The following ABCB5 variants were observed in gnomAD, a reference collection of about 807,000 sequenced individuals.
The protein encoded by ABCB5 is ATP binding cassette subfamily B member 5.
In ABCB5, 155 loss-of-function variants were observed where a neutral mutation model predicts 144.2. That is an observed-to-expected ratio of 1.08 (90% CI 0.94 to 1.23). ABCB5 has a LOEUF of 1.23. Ranked by LOEUF, ABCB5 falls within the 50% of genes most tolerant of loss-of-function variation. The pLI is 0.00. For synonymous variants in ABCB5, 610 were observed against 528.6 expected (o/e 1.15, Z -2.11); for missense variants, 1,830 against 1,520.8 (o/e 1.20, Z -3.38).
intron 16 of ABCB5, among the ~76,000 whole-genome samples, chr7:20,697,385 T>C (rs1786457079): frequency 6.6e-6 from 1 of 152,058 alleles, no homozygotes; most frequent in Non-Finnish European, 1.5e-5. Flanking sequence ...ATTTTAAGAG[T>C]GAATGCCATG....
At chr7:20,749,103 T>C (rs1782828426) in intron 26 of ABCB5, among the ~76,000 whole-genome samples, 1 of 151,816 alleles carries the variant, frequency 6.6e-6, no homozygotes, top group African/African-American at 2.4e-5. Flanking sequence ...GCTTTTCTTG[T>C]ATTTTCTTCC....
At chr7:20,696,763 T>G (rs1054577777) in intron 16 of ABCB5, among the ~76,000 whole-genome samples, 1 of 152,188 alleles carries the variant, frequency 6.6e-6, no homozygotes, top group African/African-American at 2.4e-5. Context: ...TAACACAGCC[T>G]ATTTTATGAT....
chr7:20,694,586 C>T (rs1038631986), intron 16 of ABCB5, among the ~76,000 whole-genome samples: 1 of 151,980 alleles, frequency 6.6e-6, no homozygotes, highest in African/African-American at 2.4e-5. Flanking sequence ...ACTGGAAGTT[C>T]TGGCCTGTTC....
intron 4 of ABCB5, among the ~76,000 whole-genome samples, chr7:20,629,391 A>T (rs766397784): frequency 6.6e-6 from 1 of 152,198 alleles, no homozygotes; most frequent in African/African-American, 2.4e-5. Flanking sequence ...ACTTTTTATC[A>T]GAAGTGGTGA....
intron 26 of ABCB5, among the ~76,000 whole-genome samples, chr7:20,747,222 G>C (rs1194575936): frequency 6.6e-6 from 1 of 152,168 alleles, no homozygotes; most frequent in Non-Finnish European, 1.5e-5. Flanking sequence ...TCGATAGTTT[G>C]TTTTATGTAT....
At chr7:20,719,135 TTATC>T (rs1279509340) in intron 20 of ABCB5, among the ~76,000 whole-genome samples, 1 of 152,124 alleles carries the variant, frequency 6.6e-6, no homozygotes, top group Admixed American at 6.5e-5. Flanking sequence ...GATTTTAACT[TTATC>T]TAAGCTTTTT....
intron 27 of ABCB5, among the ~76,000 whole-genome samples, chr7:20,753,959 G>A (rs1783008417): frequency 2.0e-5 from 3 of 152,210 alleles, no homozygotes; most frequent in Admixed American, 2.0e-4. Context: ...GGGAAACAAG[G>A]AGGCAAAGTG....
At chr7:20,681,363 G>T in intron 14 of ABCB5, 142 bp from the exon 15 acceptor site, 1 of 794,124 alleles carries the variant, frequency 1.3e-6, no homozygotes, top group African/African-American at 1.7e-5. Context: ...GTGACCTCAG[G>T]TGATCCACCC....
intron 20 of ABCB5, among the ~76,000 whole-genome samples, chr7:20,717,113 C>T (rs1781698577): frequency 6.6e-6 from 1 of 152,120 alleles, no homozygotes; most frequent in Non-Finnish European, 1.5e-5. Flanking sequence ...GGAAGGCCTC[C>T]AACAATGCCA....
chr7:20,647,917 C>G, intron 10 of ABCB5, 51 bp from the exon 11 acceptor site: 1 of 1,227,976 alleles, frequency 8.1e-7, no homozygotes, highest in Admixed American at 1.9e-5. Context: ...AATGTAGAGA[C>G]TGTCAGTTTA....
chr7:20,742,703 A>G (rs1474289892), intron 24 of ABCB5, among the ~76,000 whole-genome samples, 174 bp from the exon 25 acceptor site: 1 of 152,228 alleles, frequency 6.6e-6, no homozygotes, highest in Non-Finnish European at 1.5e-5. Flanking sequence ...AAATATAAAC[A>G]AAAGTGACAG....
intron 20 of ABCB5, among the ~76,000 whole-genome samples, chr7:20,720,125 T>C (rs1781812878): frequency 2.0e-5 from 3 of 152,122 alleles, no homozygotes; most frequent in Non-Finnish European, 2.9e-5. Context: ...AAGATGAAAC[T>C]GGAAAATCAT....
At chr7:20,618,759 A>ATTT (rs1387081530) in intron 1 of ABCB5, among the ~76,000 whole-genome samples, 14 of 45,250 alleles carry the variant, frequency 3.1e-4, no homozygotes, top group Admixed American at 5.4e-4. Flanking sequence ...TATGTGCTGC[A>ATTT]TTTTCTTTTT....
chr7:20,738,994 C>T lies in ABCB5; in HGVS notation c.2879C>T (p.Ala960Val). The T allele has an allele frequency of 6.3e-7, 1 of 1,597,672 alleles. No individual in the cohort carries two copies. Among genetic ancestry groups the T allele is most frequent in the East Asian group, 2.3e-5 (1 of 44,138 alleles). ...TTATCTTTTGATAGAGTTTTTACTG[C>T]AATTGCATATGGAGCTATGGCCATC... ...TPEGMFIVFTAIAYGAMAIGE... is the reference protein window; with the variant it reads ...TPEGMFIVFTVIAYGAMAIGE... The change falls in exon 24 of 28, where the codon GCA becomes GTA. Residue 960 changes from alanine to valine, a missense_variant. Transcript: ENST00000404938.
chr7:20,657,908 A>G (rs17143253), intron 13 of ABCB5, among the ~76,000 whole-genome samples: 36,387 of 152,164 alleles, frequency 0.24, 5,206 homozygotes, highest in African/African-American at 0.4. Context: ...ATTACTAGCC[A>G]TGTTTCCTGG....
intron 13 of ABCB5, among the ~76,000 whole-genome samples, chr7:20,653,807 T>C (rs908932323): frequency 1.3e-5 from 2 of 152,204 alleles, no homozygotes; most frequent in East Asian, 3.9e-4. Flanking sequence ...CACCAGAGAG[T>C]GGCAGCCATA....
chr7:20,733,631 CT>C (rs1241452197), intron 23 of ABCB5, among the ~76,000 whole-genome samples: 1 of 150,686 alleles, frequency 6.6e-6, no homozygotes, highest in African/African-American at 2.4e-5. Flanking sequence ...CTTCTCTTTT[CT>C]TTTCTTTTCT....
intron 16 of ABCB5, among the ~76,000 whole-genome samples, chr7:20,697,603 T>C (rs1786464830): frequency 6.6e-6 from 1 of 152,168 alleles, no homozygotes; most frequent in Non-Finnish European, 1.5e-5. Flanking sequence ...CCACGTCTCC[T>C]AGGAAGGGCT....
chr7:20,711,488 G>A (rs1201090981), intron 20 of ABCB5, among the ~76,000 whole-genome samples: 3 of 141,286 alleles, frequency 2.1e-5, no homozygotes, highest in Admixed American at 7.2e-5. Flanking sequence ...TTGAGACACG[G>A]TCTCACTCTG....
Sources: allele counts gnomAD v4.1 joint callset (sites outside exome capture counted in the v4.1 genomes callset), GRCh38; gene constraint gnomAD v4.1.1; transcripts MANE v1.5; gene names NCBI Gene and HGNC (gene_info 2026-07-23, HGNC 2026-07-21).